The following CORO2B variants were observed in gnomAD, a reference collection of about 807,000 sequenced individuals.
CORO2B encodes the protein coronin 2B.
CORO2B carries 26 observed loss-of-function variants against 58.8 expected under a neutral mutation model. The observed-to-expected ratio is 0.44, with a 90% confidence interval of 0.32 to 0.61. The LOEUF (loss-of-function observed/expected upper bound fraction) is 0.61, where lower values mean the gene tolerates loss of function less well. Among genes scored for constraint, CORO2B ranks in the 20% least tolerant of loss-of-function variants. CORO2B has a pLI of 0.04. For synonymous variants in CORO2B, 242 were observed against 253.8 expected (o/e 0.95, Z 0.44); for missense variants, 460 against 645.1 (o/e 0.71, Z 3.11).
intron 11 of CORO2B, among the ~76,000 whole-genome samples, chr15:68,721,123 C>A (rs1286911416): frequency 6.6e-6 from 1 of 151,940 alleles, no homozygotes. Context: ...CTTAGGTGAT[C>A]CACCTGCCTC....
the CORO2B span, among the ~76,000 whole-genome samples, chr15:68,557,424 AG>A: frequency 2.6e-5 from 4 of 152,176 alleles, no homozygotes; most frequent in Admixed American, 6.5e-5. Flanking sequence ...GCTGAGGTTA[AG>A]GGGTCAATCT....
chr15:68,565,722 A>G, the CORO2B span, among the ~76,000 whole-genome samples: 445 of 152,316 alleles, frequency 2.9e-3, 3 homozygotes, highest in Admixed American at 0.012. Flanking sequence ...GTATTTGTCT[A>G]TAGCCCTAAG....
chr15:68,715,212 C>T lies in CORO2B; in HGVS notation c.871-3C>T, dbSNP rs776313519. Reference sequence around the variant, plus strand: ...TCCTCAACTCCATCTCTCCTGACCCCAGGGTGATGGAAACATCCGGTACTA... The same window carrying T: ...TCCTCAACTCCATCTCTCCTGACCCTAGGGTGATGGAAACATCCGGTACTA... On this transcript the variant is annotated splice_polypyrimidine_tract_variant and splice_region_variant and intron_variant, in intron 7 of 11. Coordinates refer to ENST00000261861, the MANE Select transcript of CORO2B (RefSeq NM_006091.5). The T allele has an allele frequency of 6.2e-7, 1 of 1,613,548 alleles. No homozygotes were observed. The highest frequency in any genetic ancestry group is 8.5e-7 in the Non-Finnish European group (1 of 1,179,530).
At position 68,714,025 on chromosome 15, in the gene CORO2B, T is replaced by C. The variant is rs939244449; in HGVS notation, c.749T>C (p.Ile250Thr). 6.2e-7 allele frequency: 1 copy of C among 1,613,402 alleles called. No individual in the cohort carries two copies. Among genetic ancestry groups the C allele is most frequent in the Admixed American group, 1.7e-5 (1 of 60,010 alleles). The change falls in exon 6 of 12, where the codon ATT (isoleucine) becomes ACT (threonine). Residue 250 changes from isoleucine (I) to threonine (T), a missense_variant. Ile to Thr is a moderately conservative substitution (Grantham distance 89). This residue lies in a region of CORO2B where 352 missense variants were observed against 543.0 expected (regional missense o/e 0.65). Transcript: ENST00000261861. ...GTCTCCAGGTGGAACACAAGACAGA[T>C]TGCCCTCTGGGACCAGGTCAGCCAC... ...TGVSRWNTRQ[I>T]ALWDQEDLSM... is the part of the protein sequence containing the mutation.
chr15:68,711,741 G>T (rs1892924065), intron 5 of CORO2B, 35 bp downstream of exon 5: 1 of 1,612,260 alleles, frequency 6.2e-7, no homozygotes, highest in South Asian at 1.1e-5. Flanking sequence ...TGAAGGGGAA[G>T]GTATTGAGGG....
intron 1 of CORO2B, among the ~76,000 whole-genome samples, chr15:68,631,199 C>G (rs112409513): frequency 0.026 from 3,972 of 152,250 alleles, 178 homozygotes; most frequent in African/African-American, 0.092. Flanking sequence ...GCTTGACTCC[C>G]CATGTCCCCC....
intron 1 of CORO2B, among the ~76,000 whole-genome samples, chr15:68,601,396 T>C (rs1237838708): frequency 6.6e-6 from 1 of 152,236 alleles, no homozygotes; most frequent in Non-Finnish European, 1.5e-5. Flanking sequence ...TGTCAGGTGC[T>C]GTGCCTTTCG....
the CORO2B span, among the ~76,000 whole-genome samples, chr15:68,532,929 A>T: frequency 6.6e-6 from 1 of 152,238 alleles, no homozygotes; most frequent in Non-Finnish European, 1.5e-5. Context: ...GAACTATTCA[A>T]CTTTAAAATC....
chr15:68,674,795 C>T lies in CORO2B; in HGVS notation c.217-20345C>T, dbSNP rs546780269. On this transcript the variant is annotated intron_variant, in intron 2 of 11. Transcript: ENST00000261861. Reference sequence around the variant, plus strand: ...CTCTTTCTCCCTCCAGCCTTTCCACCAGTGCCCTCATGCTCTTTTCCCTCA... The same window carrying T: ...CTCTTTCTCCCTCCAGCCTTTCCACTAGTGCCCTCATGCTCTTTTCCCTCA... Among the ~76,000 whole-genome samples the T allele has an allele frequency of 5.9e-5, 9 of 152,320 alleles. No homozygotes were observed. In the South Asian group the frequency reaches 1.0e-3, roughly 18 times the overall value.
chr15:68,546,001 G>T, the CORO2B span, among the ~76,000 whole-genome samples: 2 of 152,114 alleles, frequency 1.3e-5, no homozygotes, highest in Non-Finnish European at 2.9e-5. Flanking sequence ...ACCTCTCTCT[G>T]CCCTCCCCCT....
intron 2 of CORO2B, among the ~76,000 whole-genome samples, chr15:68,692,808 A>G (rs1187985452): frequency 1.3e-5 from 2 of 150,838 alleles, no homozygotes; most frequent in African/African-American, 4.9e-5. Flanking sequence ...TAATTTTTGT[A>G]TTTTTAGTAG....
At chr15:68,700,119 A>T (rs543062910) in intron 3 of CORO2B, among the ~76,000 whole-genome samples, 4 of 152,124 alleles carry the variant, frequency 2.6e-5, no homozygotes, top group African/African-American at 9.7e-5. Context: ...CACCTGAGGC[A>T]TCGGCCACCG....
intron 1 of CORO2B, among the ~76,000 whole-genome samples, chr15:68,582,444 G>A (rs542367882): frequency 6.0e-4 from 91 of 152,176 alleles, no homozygotes; most frequent in Non-Finnish European, 9.4e-4. Flanking sequence ...AGGGCAGCTC[G>A]GGGCGAGGGA....
At chr15:68,537,761 T>A in the CORO2B span, among the ~76,000 whole-genome samples, 1 of 152,244 alleles carries the variant, frequency 6.6e-6, no homozygotes, top group Non-Finnish European at 1.5e-5. Flanking sequence ...TAAATTTTCT[T>A]GGAACACGGC....
chr15:68,531,211 T>G, the CORO2B span, among the ~76,000 whole-genome samples: 1 of 152,224 alleles, frequency 6.6e-6, no homozygotes, highest in Admixed American at 6.5e-5. Flanking sequence ...CCTGGTGTGC[T>G]GGCTCACGCC....
At chr15:68,565,530 A>AATAT in the CORO2B span, among the ~76,000 whole-genome samples, 2 of 149,432 alleles carry the variant, frequency 1.3e-5, no homozygotes, top group Non-Finnish European at 1.5e-5. Flanking sequence ...AATAAAAATA[A>AATAT]ATATATATAT....
intron 2 of CORO2B, among the ~76,000 whole-genome samples, chr15:68,678,682 AAAAAG>A (rs952624876): frequency 1.3e-5 from 2 of 152,184 alleles, no homozygotes; most frequent in African/African-American, 4.8e-5. Context: ...TCAAAAAAGA[AAAAAG>A]AAAACAAAAG....
chr15:68,584,128 G>A (rs1158734084), intron 1 of CORO2B, among the ~76,000 whole-genome samples: 3 of 152,232 alleles, frequency 2.0e-5, no homozygotes, highest in Non-Finnish European at 4.4e-5. Flanking sequence ...ACATGGAAAG[G>A]CCAAAGCCTT....
the CORO2B span, among the ~76,000 whole-genome samples, chr15:68,542,044 T>A: frequency 2.0e-5 from 3 of 152,352 alleles, no homozygotes; most frequent in Admixed American, 2.0e-4. Context: ...CTGTCTCATT[T>A]GTTTGTTGCG....
Sources: allele counts gnomAD v4.1 joint callset (sites outside exome capture counted in the v4.1 genomes callset), GRCh38; gene constraint gnomAD v4.1.1; regional missense constraint gnomAD v4.1.1; transcripts MANE v1.5; gene names NCBI Gene and HGNC (gene_info 2026-07-23, HGNC 2026-07-21).